The following TMPRSS7 variants were observed in gnomAD, a reference collection of about 807,000 sequenced individuals.
TMPRSS7 encodes transmembrane serine protease 7.
A neutral mutation model predicts 95.6 loss-of-function variants in TMPRSS7; 81 were observed. The observed-to-expected ratio is 0.85, with a 90% CI of 0.71 to 1.02. The LOEUF (loss-of-function observed/expected upper bound fraction) is 1.02, where lower values mean the gene tolerates loss of function less well. TMPRSS7 is among the 50% of genes least tolerant of loss of function. TMPRSS7 has a pLI of 0.00. For synonymous variants in TMPRSS7, 364 were observed against 337.8 expected, an observed-to-expected ratio of 1.08 and a Z score of -0.85; for missense variants, 945 against 955.2, an observed-to-expected ratio of 0.99 and a Z score of 0.14.
intron 15 of TMPRSS7, among the ~76,000 whole-genome samples, chr3:112,076,131 G>C (rs1171917840): frequency 6.6e-6 from 1 of 152,128 alleles, no homozygotes; most frequent in Non-Finnish European, 1.5e-5. Context: ...ATTTCTTTGG[G>C]TGTCCATTGA....
intron 6 of TMPRSS7, chr3:112,047,295 G>A: frequency 1.6e-6 from 1 of 607,248 alleles, no homozygotes; most frequent in Non-Finnish European, 3.0e-6. Flanking sequence ...TATCAAGTGT[G>A]CTCTTCCACT....
intron 4 of TMPRSS7, among the ~76,000 whole-genome samples, chr3:112,044,899 A>G (rs1040060911): frequency 2.6e-5 from 4 of 152,130 alleles, no homozygotes; most frequent in Non-Finnish European, 5.9e-5. Context: ...ATGCCATGTT[A>G]TGTTCCTTTC....
chr3:112,066,550 C>A (rs2073578797), intron 13 of TMPRSS7, 48 bp downstream of exon 13: 2 of 1,555,942 alleles, frequency 1.3e-6, no homozygotes, highest in East Asian at 2.3e-5. Context: ...TGAAACTCTT[C>A]TAAATCAGGA....
chr3:112,043,165 C>T (rs78374461), intron 3 of TMPRSS7: 12 of 451,262 alleles, frequency 2.7e-5, no homozygotes, highest in Middle Eastern at 3.4e-4. Flanking sequence ...TGTACACATA[C>T]GTAGCTGGAA....
intron 11 of TMPRSS7, among the ~76,000 whole-genome samples, chr3:112,062,480 G>A (rs1559959765): frequency 6.6e-6 from 1 of 152,262 alleles, no homozygotes. Flanking sequence ...ACTACAGAGA[G>A]TGGGTAATGA....
Position 112,061,812 on chromosome 3 carries a change from C to T in TMPRSS7, c.1336C>T (p.Gln446Ter). The change falls in exon 11 of 18, where the codon CAG becomes TAG. Residue 446 changes from glutamine to a stop codon, truncating the protein, a stop_gained. Transcript: ENST00000452346. LOFTEE classifies it high-confidence loss of function. The stretch of plus-strand genomic sequence containing the variant: ...GTACTGTGGCTCCTACATGGATCAT[C>T]AGACAATTTTTCGAGTGCCCAGCCC... The T allele has an allele frequency of 1.2e-6, 2 of 1,610,152 alleles. No individual in the cohort carries two copies. The highest frequency in any genetic ancestry group is 1.7e-5 in the Admixed American group (1 of 59,674).
At chr3:112,060,359 C>T (rs561531322) in intron 10 of TMPRSS7, among the ~76,000 whole-genome samples, 5 of 152,092 alleles carry the variant, frequency 3.3e-5, no homozygotes, top group Admixed American at 6.6e-5. Flanking sequence ...ATTTATTAGG[C>T]GGGAATTTCC....
At chr3:112,050,527 A>AAAAAAAAAAAAAAAAC (rs1559955295) in intron 8 of TMPRSS7, 144 bp from the exon 9 acceptor site, 1 of 351,552 alleles carries the variant, frequency 2.8e-6, no homozygotes, top group Admixed American at 3.8e-5. Context: ...CTTCTGAAAA[A>AAAAAAAAAAAAAAAAC]AAAAAAAAAA....
chr3:112,075,391 G>A (rs369413198), exon 15 of TMPRSS7: 75 of 1,534,044 alleles, frequency 4.9e-5, no homozygotes, highest in East Asian at 1.6e-4. Context: ...GGGGTTGGCC[G>A]TGGCAGGTCA....
exon 8 of TMPRSS7, chr3:112,049,949 A>G: frequency 6.3e-7 from 1 of 1,575,274 alleles, no homozygotes; most frequent in Non-Finnish European, 8.7e-7. Flanking sequence ...GAATCCGGGC[A>G]TATTTTGAGG....
chr3:112,077,194 G>C, intron 16 of TMPRSS7, 50 bp downstream of exon 16: 8 of 1,589,924 alleles, frequency 5.0e-6, no homozygotes, highest in Non-Finnish European at 6.9e-6. Context: ...AGGATGATAA[G>C]GTGTTTATGT....
chr3:112,038,254 C>T, exon 2 of TMPRSS7: 1 of 702,892 alleles, frequency 1.4e-6, no homozygotes, highest in Non-Finnish European at 2.6e-6. Context: ...AAAATAAAAT[C>T]ATTCTCTTCA....
intron 2 of TMPRSS7, among the ~76,000 whole-genome samples, chr3:112,038,854 T>C (rs549599214): frequency 6.6e-5 from 10 of 151,938 alleles, no homozygotes; most frequent in South Asian, 2.1e-4. Context: ...ACCAACACCA[T>C]TTTCTCCCCA....
chr3:112,072,496 C>T (rs542008328), intron 13 of TMPRSS7, among the ~76,000 whole-genome samples: 1 of 152,346 alleles, frequency 6.6e-6, no homozygotes, highest in Admixed American at 6.5e-5. Context: ...GCACTGCTCT[C>T]TTTAGAGCTG....
chr3:112,036,633 C>A (rs1275635366), intron 1 of TMPRSS7, among the ~76,000 whole-genome samples: 1 of 151,974 alleles, frequency 6.6e-6, no homozygotes, highest in Non-Finnish European at 1.5e-5. Flanking sequence ...GAATCTTAAC[C>A]TTAACCTCCT....
chr3:112,076,432 C>T (rs1157330153), intron 15 of TMPRSS7, among the ~76,000 whole-genome samples: 1 of 152,186 alleles, frequency 6.6e-6, no homozygotes, highest in Non-Finnish European at 1.5e-5. Flanking sequence ...TAAATTCCTG[C>T]TTATAGCACT....
At chr3:112,065,287 C>T (rs1434725917) in intron 12 of TMPRSS7, among the ~76,000 whole-genome samples, 1 of 152,150 alleles carries the variant, frequency 6.6e-6, no homozygotes, top group Non-Finnish European at 1.5e-5. Flanking sequence ...AGCCGTCCTC[C>T]TACCTTGGCT....
intron 9 of TMPRSS7, among the ~76,000 whole-genome samples, chr3:112,053,536 A>G (rs766869167): frequency 8.5e-5 from 13 of 152,234 alleles, no homozygotes; most frequent in African/African-American, 3.1e-4. Flanking sequence ...CTACAGGGGA[A>G]GAAGGAACAG....
chr3:112,071,353 A>G (rs962644607), intron 13 of TMPRSS7, among the ~76,000 whole-genome samples: 1 of 152,082 alleles, frequency 6.6e-6, no homozygotes, highest in Admixed American at 6.5e-5. Context: ...GGGTAACCTG[A>G]CCTTTGTCTT....
Sources: allele counts gnomAD v4.1 joint callset (sites outside exome capture counted in the v4.1 genomes callset), GRCh38; gene constraint gnomAD v4.1.1; transcripts MANE v1.5; gene names NCBI Gene and HGNC (gene_info 2026-07-23, HGNC 2026-07-21).